Variants in KCNU1 observed in about 807,000 individuals in gnomAD.
The protein encoded by KCNU1 is potassium calcium-activated channel subfamily U member 1, also known as potassium channel subfamily U member 1.
KCNU1 carries 93 observed loss-of-function variants against 126.8 expected under a neutral mutation model. The observed-to-expected ratio is 0.73, with a 90% CI of 0.62 to 0.87. The LOEUF (loss-of-function observed/expected upper bound fraction) is 0.87. KCNU1 is among the 40% of genes least tolerant of loss of function. The pLI is 0.00. For synonymous variants in KCNU1, 523 were observed against 494.2 expected (o/e 1.06, Z -0.77); for missense variants, 1,330 against 1,367.1 (o/e 0.97, Z 0.43).
At chr8:36,851,832 T>A (rs1365209890) in intron 18 of KCNU1, among the ~76,000 whole-genome samples, 1 of 151,698 alleles carries the variant, frequency 6.6e-6, no homozygotes, top group Middle Eastern at 3.4e-3. Flanking sequence ...ACTGAATGTG[T>A]TTATTAGTTC....
intron 24 of KCNU1, among the ~76,000 whole-genome samples, chr8:36,928,157 T>C (rs369652800): frequency 2.0e-5 from 3 of 152,262 alleles, no homozygotes; most frequent in Admixed American, 6.5e-5. Context: ...AATCCCATTA[T>C]TTTTCTCAAT....
At chr8:36,931,484 T>A (rs1808702022) in intron 25 of KCNU1, among the ~76,000 whole-genome samples, 1 of 152,150 alleles carries the variant, frequency 6.6e-6, no homozygotes, top group Non-Finnish European at 1.5e-5. Flanking sequence ...TTATAACAGC[T>A]AATGTTTATT....
chr8:36,899,117 C>T (rs985525039), intron 19 of KCNU1, among the ~76,000 whole-genome samples: 13 of 152,110 alleles, frequency 8.5e-5, no homozygotes, highest in African/African-American at 3.1e-4. Context: ...AGAAAAAGCG[C>T]TGCAGAAAAG....
Position 36,814,307 on chromosome 8 carries a change from G to T in KCNU1, c.833G>T (p.Gly278Val), listed in dbSNP as rs1485566925. 6.2e-7 allele frequency: 1 copy of T among 1,613,040 alleles called. No individual in the cohort carries two copies. The highest frequency in any genetic ancestry group is 8.5e-7 in the Non-Finnish European group (1 of 1,179,342). Residue 278 changes from glycine (G) to valine (V), a missense_variant, in exon 8 of 27, where the codon GGA (glycine) becomes GTA (valine). Gly to Val is a moderately radical substitution (Grantham distance 109). Coordinates refer to ENST00000399881, the MANE Select transcript of KCNU1 (RefSeq NM_001031836.3). ...GTCATGGCAACAACGTCAACCGTTG[G>T]ATTTGGAGATGTGGTAGCCAAGACA... ...YLVMATTSTV[G>V]FGDVVAKTSL...
chr8:36,861,178 G>A (rs903059178), intron 18 of KCNU1, among the ~76,000 whole-genome samples: 9 of 152,144 alleles, frequency 5.9e-5, no homozygotes, highest in Non-Finnish European at 1.0e-4. Context: ...AGGACCACAT[G>A]TCCACCAAAT....
At chr8:36,809,652 G>A (rs1438925619) in intron 7 of KCNU1, among the ~76,000 whole-genome samples, 1 of 152,174 alleles carries the variant, frequency 6.6e-6, no homozygotes, top group African/African-American at 2.4e-5. Context: ...TGTCACAGCA[G>A]TAAAGGCTGA....
chr8:36,808,451 C>T (rs1803585809), intron 6 of KCNU1, among the ~76,000 whole-genome samples: 1 of 152,014 alleles, frequency 6.6e-6, no homozygotes. Flanking sequence ...GTCAAACTTC[C>T]CAAACAAGTA....
At chr8:36,799,385 G>T (rs183854927) in intron 2 of KCNU1, among the ~76,000 whole-genome samples, 1 of 151,286 alleles carries the variant, frequency 6.6e-6, no homozygotes. Context: ...GGGCCTTTTC[G>T]ATCTAGACTC....
intron 18 of KCNU1, among the ~76,000 whole-genome samples, chr8:36,846,723 C>A (rs934583581): frequency 6.7e-6 from 1 of 149,360 alleles, no homozygotes; most frequent in Non-Finnish European, 1.5e-5. Context: ...ATTGCTTGAA[C>A]CTGGGAGGCG....
At chr8:36,802,912 C>T (rs764633678) in intron 2 of KCNU1, among the ~76,000 whole-genome samples, 7 of 152,056 alleles carry the variant, frequency 4.6e-5, no homozygotes, top group African/African-American at 9.7e-5. Context: ...ACAAGAGGAG[C>T]TAGAGAAATG....
At chr8:36,788,711 T>C (rs934356408) in intron 2 of KCNU1, among the ~76,000 whole-genome samples, 1 of 152,218 alleles carries the variant, frequency 6.6e-6, no homozygotes, top group African/African-American at 2.4e-5. Context: ...AAGTTTTTGA[T>C]CTCTTTTCCT....
At chr8:36,915,748 C>A (rs554427658) in intron 22 of KCNU1, among the ~76,000 whole-genome samples, 3 of 152,240 alleles carry the variant, frequency 2.0e-5, no homozygotes, top group East Asian at 1.9e-4. Context: ...GAGAAGCCCC[C>A]CTTTGGGACC....
intron 11 of KCNU1, among the ~76,000 whole-genome samples, chr8:36,833,922 T>G (rs1233117607): frequency 6.6e-6 from 1 of 152,090 alleles, no homozygotes; most frequent in Non-Finnish European, 1.5e-5. Flanking sequence ...TCTAAATCAG[T>G]TTTATTTTAT....
chr8:36,840,688 G>C, intron 15 of KCNU1, 113 bp downstream of exon 15: 1 of 728,116 alleles, frequency 1.4e-6, no homozygotes, highest in Non-Finnish European at 2.4e-6. Context: ...ATCTAAGAAG[G>C]GACAGCCCAG....
intron 2 of KCNU1, among the ~76,000 whole-genome samples, chr8:36,792,019 A>G (rs527243329): frequency 6.6e-6 from 1 of 152,314 alleles, no homozygotes; most frequent in East Asian, 1.9e-4. Context: ...GAAACACTAC[A>G]CTATCTTCCT....
intron 19 of KCNU1, among the ~76,000 whole-genome samples, chr8:36,871,311 C>A (rs1376951738): frequency 2.0e-5 from 3 of 151,938 alleles, no homozygotes; most frequent in African/African-American, 7.2e-5. Context: ...CTAAATACCT[C>A]TTTTCTAGTT....
chr8:36,813,610 T>G (rs913239417), intron 7 of KCNU1, among the ~76,000 whole-genome samples: 11 of 151,550 alleles, frequency 7.3e-5, no homozygotes, highest in African/African-American at 2.7e-4. Context: ...ATAAATCTAG[T>G]TTTCTTGAAA....
At chr8:36,812,001 T>C (rs1585403133) in intron 7 of KCNU1, among the ~76,000 whole-genome samples, 2 of 151,272 alleles carry the variant, frequency 1.3e-5, no homozygotes, top group African/African-American at 4.9e-5. Context: ...GAGGCAGAGG[T>C]TGCAGTGAGC....
chr8:36,846,860 G>C (rs1805170666), intron 18 of KCNU1, among the ~76,000 whole-genome samples: 1 of 150,866 alleles, frequency 6.6e-6, no homozygotes, highest in East Asian at 1.9e-4. Flanking sequence ...CAGTGTTTCA[G>C]AATTTAACCT....
Sources: allele counts gnomAD v4.1 joint callset (sites outside exome capture counted in the v4.1 genomes callset), GRCh38; gene constraint gnomAD v4.1.1; transcripts MANE v1.5; gene names NCBI Gene and HGNC (gene_info 2026-07-23, HGNC 2026-07-21).